The following PLCXD3 variants were observed in gnomAD, a reference collection of about 807,000 sequenced individuals.
The protein encoded by PLCXD3 is PI-PLC X domain-containing protein 3.
PLCXD3 carries 19 observed loss-of-function variants against 25.5 expected under a neutral mutation model. That is an observed-to-expected ratio of 0.75 (90% CI 0.52 to 1.09). PLCXD3 has a LOEUF of 1.09. PLCXD3 is among the 50% of genes least tolerant of loss of function. The pLI is 0.00. For synonymous variants in PLCXD3, 174 were observed against 137.6 expected (o/e 1.26, Z -1.85); for missense variants, 411 against 388.1 (o/e 1.06, Z -0.50).
intron 1 of PLCXD3, among the ~76,000 whole-genome samples, chr5:41,448,938 G>A (rs1470280277): frequency 6.6e-6 from 1 of 152,100 alleles, no homozygotes; most frequent in Non-Finnish European, 1.5e-5. Flanking sequence ...TTCCATTTCA[G>A]TCAGACCCAA....
chr5:41,429,405 C>A (rs969922408), intron 1 of PLCXD3, among the ~76,000 whole-genome samples: 1 of 151,294 alleles, frequency 6.6e-6, no homozygotes, highest in Non-Finnish European at 1.5e-5. Flanking sequence ...GGAGAGAAGG[C>A]GGAGGAGAGA....
chr5:41,374,105 G>T (rs910337695), intron 2 of PLCXD3, among the ~76,000 whole-genome samples: 3 of 152,038 alleles, frequency 2.0e-5, no homozygotes, highest in African/African-American at 7.2e-5. Flanking sequence ...AAATATTGGG[G>T]TTTATGTTCT....
chr5:41,494,849 A>G (rs1748800074), intron 1 of PLCXD3, among the ~76,000 whole-genome samples: 1 of 152,194 alleles, frequency 6.6e-6, no homozygotes, highest in Non-Finnish European at 1.5e-5. Context: ...GTAATCTAAG[A>G]TTTCCTTAGA....
chr5:41,502,708 A>G (rs1224552122), intron 1 of PLCXD3, among the ~76,000 whole-genome samples: 2 of 152,128 alleles, frequency 1.3e-5, no homozygotes, highest in Non-Finnish European at 2.9e-5. Flanking sequence ...CTCTCCAACA[A>G]TGTTCATCCA....
chr5:41,385,426 C>T (rs780202246), intron 1 of PLCXD3, among the ~76,000 whole-genome samples: 5 of 152,092 alleles, frequency 3.3e-5, no homozygotes, highest in African/African-American at 4.8e-5. Flanking sequence ...TAACCACTCC[C>T]ATTATAAACC....
At chr5:41,361,311 A>T (rs1744769277) in intron 2 of PLCXD3, among the ~76,000 whole-genome samples, 1 of 152,138 alleles carries the variant, frequency 6.6e-6, no homozygotes, top group Admixed American at 6.5e-5. Context: ...CAGGGCTGAG[A>T]ATTTGCCCCA....
At chr5:41,376,132 A>T (rs1745288668) in intron 2 of PLCXD3, among the ~76,000 whole-genome samples, 1 of 151,954 alleles carries the variant, frequency 6.6e-6, no homozygotes. Context: ...TCTACCTTAC[A>T]CTCAAGATGA....
intron 1 of PLCXD3, among the ~76,000 whole-genome samples, chr5:41,405,792 T>A (rs1000313399): frequency 3.9e-4 from 60 of 152,080 alleles, no homozygotes; most frequent in Admixed American, 2.0e-4. Flanking sequence ...TGTTTTGTTT[T>A]GTTTACCATT....
At chr5:41,388,318 A>T (rs1238032560) in intron 1 of PLCXD3, among the ~76,000 whole-genome samples, 1 of 152,130 alleles carries the variant, frequency 6.6e-6, no homozygotes, top group Non-Finnish European at 1.5e-5. Context: ...ATTGATCTGG[A>T]TGTGGAAGGA....
At chr5:41,330,193 C>T (rs142768895) in intron 2 of PLCXD3, among the ~76,000 whole-genome samples, 32 of 151,742 alleles carry the variant, frequency 2.1e-4, no homozygotes, top group South Asian at 1.5e-3. Flanking sequence ...AATGATAGAC[C>T]GCTAGCAAGA....
intron 1 of PLCXD3, among the ~76,000 whole-genome samples, chr5:41,477,170 G>T (rs933875446): frequency 6.6e-6 from 1 of 151,880 alleles, no homozygotes; most frequent in Non-Finnish European, 1.5e-5. Flanking sequence ...CTTTTCTCTG[G>T]GCCTCAGTTC....
intron 2 of PLCXD3, among the ~76,000 whole-genome samples, chr5:41,368,792 A>C (rs1745010278): frequency 6.6e-6 from 1 of 152,216 alleles, no homozygotes; most frequent in African/African-American, 2.4e-5. Context: ...CTATTGAGAT[A>C]ATCATGTGCT....
chr5:41,344,163 G>T (rs1433998019), intron 2 of PLCXD3, among the ~76,000 whole-genome samples: 1 of 152,100 alleles, frequency 6.6e-6, no homozygotes, highest in Admixed American at 6.5e-5. Context: ...ATAAAGAGCA[G>T]GCATTAAGCT....
intron 2 of PLCXD3, among the ~76,000 whole-genome samples, chr5:41,347,232 T>G (rs538227349): frequency 1.3e-5 from 2 of 152,218 alleles, no homozygotes; most frequent in Non-Finnish European, 2.9e-5. Flanking sequence ...TAAATTGATA[T>G]TTTAGGATTT....
chr5:41,359,070 C>T (rs555640262), intron 2 of PLCXD3, among the ~76,000 whole-genome samples: 48 of 152,250 alleles, frequency 3.2e-4, no homozygotes, highest in African/African-American at 1.1e-3. Context: ...ATGAAACCCA[C>T]TTGATCATGG....
intron 2 of PLCXD3, among the ~76,000 whole-genome samples, chr5:41,378,501 C>T (rs1337629524): frequency 6.6e-6 from 1 of 152,018 alleles, no homozygotes; most frequent in East Asian, 1.9e-4. Flanking sequence ...TCTTTTTCTT[C>T]TCCTTTTTCT....
In PLCXD3 at chr5:41,313,712, T is replaced by C. The variant is rs1474054645; in HGVS notation, c.871A>G (p.Asn291Asp). Reference protein sequence around the residue: ...RTQKPGESGINIVTADFVELG... With the variant: ...RTQKPGESGIDIVTADFVELG... ...TCTACAAAATCGGCAGTGACAATAT[T>C]GATGCCACTCTCTCCTGGCTTCTGC... Residue 291 changes from asparagine to aspartate, a missense_variant, in exon 3 of 3, where the codon AAT (asparagine) becomes GAT (aspartate). Physicochemically the swap from Asn to Asp is conservative, Grantham distance 23. Transcript: ENST00000377801. 1.2e-6 allele frequency: 2 copies of C among 1,613,756 alleles called. No individual in the cohort carries two copies. Among genetic ancestry groups the C allele is most frequent in the Non-Finnish European group, 1.7e-6 (2 of 1,179,778 alleles).
At chr5:41,482,190 A>G (rs868126041) in intron 1 of PLCXD3, among the ~76,000 whole-genome samples, 3 of 152,184 alleles carry the variant, frequency 2.0e-5, no homozygotes, top group South Asian at 2.1e-4. Flanking sequence ...CCTTCCTAAC[A>G]TTAGAATGGA....
At chr5:41,354,031 T>A (rs538485745) in intron 2 of PLCXD3, among the ~76,000 whole-genome samples, 1,600 of 152,312 alleles carry the variant, frequency 0.011, 42 homozygotes, top group African/African-American at 0.036. Flanking sequence ...TAGACTTTTT[T>A]CTATTTTCTT....
Sources: allele counts gnomAD v4.1 joint callset (sites outside exome capture counted in the v4.1 genomes callset), GRCh38; gene constraint gnomAD v4.1.1; transcripts MANE v1.5; gene names NCBI Gene and HGNC (gene_info 2026-07-23, HGNC 2026-07-21).